The following THRB variants were observed in gnomAD, a reference collection of about 807,000 sequenced individuals.
The protein encoded by THRB is thyroid hormone receptor beta, also known as nuclear receptor subfamily 1 group A member 2.
In THRB, 12 loss-of-function variants were observed where a neutral mutation model predicts 47.8. That is an observed-to-expected ratio of 0.25 (90% CI 0.16 to 0.41). THRB has a LOEUF of 0.41. Among genes scored for constraint, THRB ranks in the 10% least tolerant of loss-of-function variants. The pLI is 1.00. For missense variants in THRB, 348 were observed against 589.2 expected, an observed-to-expected ratio of 0.59 and a Z score of 4.24; for synonymous variants, 218 against 212.2, an observed-to-expected ratio of 1.03 and a Z score of -0.24.
At chr3:24,474,992 C>T (rs1489255671) in intron 1 of THRB, among the ~76,000 whole-genome samples, 1 of 152,158 alleles carries the variant, frequency 6.6e-6, no homozygotes, top group Non-Finnish European at 1.5e-5. Context: ...TCATAAATCA[C>T]AAAGGAAAAC....
At chr3:24,130,970 C>G (rs1014249336) in intron 9 of THRB, among the ~76,000 whole-genome samples, 1 of 152,154 alleles carries the variant, frequency 6.6e-6, no homozygotes, top group African/African-American at 2.4e-5. Flanking sequence ...TATGTAAACG[C>G]TATGTCCTCC....
intron 2 of THRB, among the ~76,000 whole-genome samples, chr3:24,306,341 A>G (rs952388483): frequency 4.6e-5 from 7 of 152,172 alleles, no homozygotes; most frequent in Non-Finnish European, 1.0e-4. Flanking sequence ...AGGAGGCAGG[A>G]ATCTGTCAAC....
At chr3:24,317,769 A>G (rs9852710) in intron 2 of THRB, among the ~76,000 whole-genome samples, 181 of 152,354 alleles carry the variant, frequency 1.2e-3, no homozygotes, top group African/African-American at 4.3e-3. Flanking sequence ...AAAGAAGTCT[A>G]ACTTCAGCCA....
At chr3:24,306,987 T>C (rs1316193537) in intron 2 of THRB, among the ~76,000 whole-genome samples, 1 of 152,068 alleles carries the variant, frequency 6.6e-6, no homozygotes, top group African/African-American at 2.4e-5. Flanking sequence ...TACAGATCAT[T>C]CTTTTTTTCT....
Position 24,243,298 on chromosome 3 carries a change from A to G in THRB, c.-42-14297T>C, listed in dbSNP as rs186252289. On this transcript the variant is annotated intron_variant, in intron 3 of 10. Coordinates refer to ENST00000646209, the MANE Select transcript of THRB (RefSeq NM_001354712.2). ...TCATCTCTGTTTAAAATGGCATTCC[A>G]ACAGGTAGGATACGATTCCGCTCCT... 2.0e-5 allele frequency among the ~76,000 whole-genome samples: 3 copies of G among 152,014 alleles called. No homozygotes were observed. In the East Asian group the frequency reaches 5.8e-4, roughly 30 times the overall value.
intron 1 of THRB, chr3:24,455,074 T>C (rs1296644791): frequency 6.6e-6 from 1 of 151,072 alleles, no homozygotes; most frequent in Non-Finnish European, 1.5e-5. Flanking sequence ...GAGTGCTTGG[T>C]TTGTATTAGT....
At chr3:24,226,840 A>G (rs2150064709) in intron 4 of THRB, among the ~76,000 whole-genome samples, 1 of 152,366 alleles carries the variant, frequency 6.6e-6, no homozygotes, top group Non-Finnish European at 1.5e-5. Flanking sequence ...CTATTTATTT[A>G]CATATAGTCT....
intron 1 of THRB, among the ~76,000 whole-genome samples, chr3:24,472,781 G>T (rs1694895668): frequency 6.6e-6 from 1 of 152,090 alleles, no homozygotes; most frequent in South Asian, 2.1e-4. Flanking sequence ...AGGTTTCAAG[G>T]GAGTCCAATC....
chr3:24,325,045 A>G (rs1425163411), intron 2 of THRB, among the ~76,000 whole-genome samples: 1 of 152,364 alleles, frequency 6.6e-6, no homozygotes, highest in Non-Finnish European at 1.5e-5. Flanking sequence ...CAGACTGTGT[A>G]TTAAATTCTT....
At chr3:24,229,809 C>T (rs1355373475) in intron 3 of THRB, among the ~76,000 whole-genome samples, 2 of 152,158 alleles carry the variant, frequency 1.3e-5, no homozygotes, top group Non-Finnish European at 2.9e-5. Context: ...TGTTCTGTGG[C>T]CAGTGGTAGA....
At chr3:24,234,623 C>G (rs1330449906) in intron 3 of THRB, among the ~76,000 whole-genome samples, 1 of 152,150 alleles carries the variant, frequency 6.6e-6, no homozygotes, top group African/African-American at 2.4e-5. Context: ...CCCACTCCTG[C>G]AAGGCTTAGG....
intron 2 of THRB, 45 bp downstream of exon 2, chr3:24,337,255 A>C (rs1031806253): frequency 6.6e-6 from 1 of 152,246 alleles, no homozygotes; most frequent in East Asian, 1.9e-4. Context: ...GGGACAATTA[A>C]TAGCAAAGAT....
At chr3:24,163,060 T>C (rs141992858) in intron 5 of THRB, among the ~76,000 whole-genome samples, 30 of 152,312 alleles carry the variant, frequency 2.0e-4, no homozygotes, top group African/African-American at 7.2e-4. Context: ...CACCTGTTTA[T>C]GGTCTTAATT....
intron 2 of THRB, among the ~76,000 whole-genome samples, chr3:24,326,048 GATTCATAGATCACTGCA>G (rs2058784094): frequency 1.3e-5 from 2 of 152,010 alleles, no homozygotes; most frequent in Non-Finnish European, 2.9e-5. Flanking sequence ...CTCAGTCAAG[GATTCATAGATCACTGCA>G]ATCCACCATC....
intron 1 of THRB, among the ~76,000 whole-genome samples, chr3:24,438,506 G>GGTAGGT (rs1553760716): frequency 6.9e-6 from 1 of 145,856 alleles, no homozygotes; most frequent in East Asian, 2.0e-4. Context: ...AGAACAAAAA[G>GGTAGGT]GTGTGTGTGT....
intron 1 of THRB, among the ~76,000 whole-genome samples, chr3:24,457,298 C>G (rs1374734007): frequency 6.6e-6 from 1 of 152,154 alleles, no homozygotes; most frequent in Non-Finnish European, 1.5e-5. Context: ...CTTTTATCCT[C>G]TTGATCCCTA....
At chr3:24,149,323 G>C (rs2036559354) in intron 6 of THRB, among the ~76,000 whole-genome samples, 1 of 152,158 alleles carries the variant, frequency 6.6e-6, no homozygotes, top group African/African-American at 2.4e-5. Flanking sequence ...GGCTTACTAG[G>C]ATAGGAAGAT....
chr3:24,200,159 T>C (rs984021813), intron 4 of THRB, among the ~76,000 whole-genome samples: 2 of 152,124 alleles, frequency 1.3e-5, no homozygotes, highest in African/African-American at 4.8e-5. Flanking sequence ...CAAATGCACA[T>C]AAAAGGGAAC....
chr3:24,453,170 G>A (rs1460759504), intron 1 of THRB, among the ~76,000 whole-genome samples: 1 of 152,094 alleles, frequency 6.6e-6, no homozygotes, highest in Non-Finnish European at 1.5e-5. Flanking sequence ...ACCAACTCTT[G>A]TCTATTTCAG....
Sources: allele counts gnomAD v4.1 joint callset (sites outside exome capture counted in the v4.1 genomes callset), GRCh38; gene constraint gnomAD v4.1.1; transcripts MANE v1.5; gene names NCBI Gene and HGNC (gene_info 2026-07-23, HGNC 2026-07-21).